Variants in PCBP3 observed in about 807,000 individuals in gnomAD.
PCBP3 encodes poly(rC)-binding protein 3.
Under a neutral mutation model 52.7 loss-of-function variants are expected in PCBP3, and 25 were observed. The observed-to-expected ratio is 0.47, with a 90% confidence interval of 0.35 to 0.66. The LOEUF is 0.66. Ranked by LOEUF, PCBP3 falls within the 30% of genes least tolerant of loss-of-function variation. The pLI, the probability that PCBP3 is intolerant of heterozygous loss-of-function variation, is 0.01. For synonymous variants in PCBP3, 162 were observed against 183.0 expected, an observed-to-expected ratio of 0.89 and a Z score of 0.93; for missense variants, 391 against 490.3, an observed-to-expected ratio of 0.80 and a Z score of 1.91.
intron 4 of PCBP3, among the ~76,000 whole-genome samples, chr21:45,766,080 G>T (rs545666455): frequency 6.6e-6 from 1 of 152,222 alleles, no homozygotes; most frequent in Non-Finnish European, 1.5e-5. Flanking sequence ...TGGGACTGAC[G>T]TGGGTCCGTA....
chr21:45,902,223 G>A (rs1385191160), intron 9 of PCBP3, among the ~76,000 whole-genome samples: 1 of 150,364 alleles, frequency 6.7e-6, no homozygotes, highest in Non-Finnish European at 1.5e-5. Context: ...GACTGCAGCA[G>A]AGCCTGTGGC....
intron 2 of PCBP3, among the ~76,000 whole-genome samples, chr21:45,712,602 C>A (rs1325107164): frequency 6.6e-6 from 1 of 152,108 alleles, no homozygotes; most frequent in East Asian, 1.9e-4. Flanking sequence ...TGACACTGTA[C>A]ACGTTGGTTT....
chr21:45,848,009 C>T (rs1377076926), intron 4 of PCBP3, among the ~76,000 whole-genome samples: 1 of 152,194 alleles, frequency 6.6e-6, no homozygotes, highest in Non-Finnish European at 1.5e-5. Context: ...CTTGGTCAGC[C>T]TCATGTTCTC....
intron 2 of PCBP3, among the ~76,000 whole-genome samples, chr21:45,705,021 C>T (rs928656622): frequency 5.9e-5 from 9 of 152,126 alleles, no homozygotes; most frequent in African/African-American, 2.2e-4. Flanking sequence ...ATTCCAGAGT[C>T]TGTTGTGAGG....
intron 4 of PCBP3, among the ~76,000 whole-genome samples, chr21:45,786,386 G>A (rs901306677): frequency 6.6e-6 from 1 of 151,888 alleles, no homozygotes; most frequent in Non-Finnish European, 1.5e-5. Flanking sequence ...TACCTCCTGG[G>A]TTCAAGCGAT....
chr21:45,816,114 GGTGA>G (rs1441245777), intron 4 of PCBP3, among the ~76,000 whole-genome samples: 1 of 150,340 alleles, frequency 6.7e-6, no homozygotes, highest in Non-Finnish European at 1.5e-5. Context: ...AGTGGTGAGT[GGTGA>G]GTGAGTGGTG....
At chr21:45,910,181 A>C (rs1226963882) in intron 10 of PCBP3, among the ~76,000 whole-genome samples, 4 of 462 alleles carry the variant, frequency 8.7e-3, no homozygotes, top group Non-Finnish European at 7.8e-3. Flanking sequence ...CCAGATACGG[A>C]CCCCCCCCAC....
At position 45,821,267 on chromosome 21, in the gene PCBP3, G is replaced by C. The variant is rs989683218; in HGVS notation, c.-125-28694G>C. Among the ~76,000 whole-genome samples, 1 of 151,980 alleles carries C rather than the reference G, an allele frequency of 6.6e-6. No individual in the cohort carries two copies. Among genetic ancestry groups the C allele is most frequent in the South Asian group, 2.1e-4 (1 of 4,826 alleles). On this transcript the variant is annotated intron_variant, in intron 4 of 17. Coordinates refer to ENST00000681687, the MANE Select transcript of PCBP3 (RefSeq NM_001384156.1). This position sits in a 1 kb window ranked among gnomAD's most constrained non-coding sequence, Gnocchi z 4.4. Reference sequence around the variant, plus strand: ...TTCCGCAGGGGCTCCAAGACCCTCAGGGTCGCCAGTGACTCCTGGGTCACA... The same window carrying C: ...TTCCGCAGGGGCTCCAAGACCCTCACGGTCGCCAGTGACTCCTGGGTCACA...
chr21:45,936,160 A>C (rs551332455), intron 16 of PCBP3, among the ~76,000 whole-genome samples: 3 of 152,318 alleles, frequency 2.0e-5, no homozygotes, highest in African/African-American at 7.2e-5. Context: ...CAAGTTGACC[A>C]TAGGAAGCAC....
At position 45,820,571 on chromosome 21, in the gene PCBP3, C is replaced by T. The variant is rs541862597; in HGVS notation, c.-125-29390C>T. On this transcript the variant is annotated intron_variant, in intron 4 of 17. Coordinates refer to ENST00000681687, the MANE Select transcript of PCBP3 (RefSeq NM_001384156.1). ...GGTGCTGGAAGGCAGCTGCAGACCACGAGTCAAGGAGGGGGTGAGACTGTG... is the reference window on the plus strand; with the variant it reads ...GGTGCTGGAAGGCAGCTGCAGACCATGAGTCAAGGAGGGGGTGAGACTGTG... Among the ~76,000 whole-genome samples, 311 of 152,196 alleles carry T rather than the reference C, an allele frequency of 2.0e-3. 2 individuals carry two copies. Among genetic ancestry groups the T allele is most frequent in the African/African-American group, 7.0e-3 (292 of 41,512 alleles).
chr21:45,734,633 G>A (rs1157451757), intron 2 of PCBP3, among the ~76,000 whole-genome samples: 1 of 152,144 alleles, frequency 6.6e-6, no homozygotes, highest in East Asian at 1.9e-4. Flanking sequence ...CCCTTCCTGT[G>A]CTGTGGCCCA....
chr21:45,932,571 T>C (rs2076383023), intron 15 of PCBP3, among the ~76,000 whole-genome samples: 1 of 151,598 alleles, frequency 6.6e-6, no homozygotes, highest in Admixed American at 6.6e-5. Context: ...CATGCTGTCC[T>C]GAGATGAACG....
rs1315814835 is a variant in PCBP3, at chr21:45,917,385, G to A, written c.676-203G>A. On this transcript the variant is annotated intron_variant, in intron 12 of 17. Coordinates refer to ENST00000681687, the MANE Select transcript of PCBP3 (RefSeq NM_001384156.1). The surrounding 1 kb of genome is among the most constrained non-coding windows in gnomAD (Gnocchi z 5.3). Reference sequence around the variant, plus strand: ...TGAACTGGCCAGCTCAGCTCTGCCCGCCCAGAGGAAGTGGGTGCGGCTCCC... The same window carrying A: ...TGAACTGGCCAGCTCAGCTCTGCCCACCCAGAGGAAGTGGGTGCGGCTCCC... 3.7e-5 allele frequency: 13 copies of A among 351,052 alleles called. No individual in the cohort carries two copies. Among genetic ancestry groups the A allele is most frequent in the South Asian group, 1.8e-4 (8 of 43,616 alleles). The allele number at this position is 351,052 out of a possible 1,614,324, so 21.7% of individuals were successfully genotyped here.
chr21:45,798,881 A>G (rs918923501), intron 4 of PCBP3, among the ~76,000 whole-genome samples: 1 of 146,984 alleles, frequency 6.8e-6, no homozygotes, highest in African/African-American at 2.6e-5. Flanking sequence ...ATCTGTAGAG[A>G]GAGTGAATGC....
chr21:45,904,726 G>A lies in PCBP3; in HGVS notation c.339+3613G>A, dbSNP rs1339282162. Among the ~76,000 whole-genome samples, 1 of 152,220 alleles carries A rather than the reference G, an allele frequency of 6.6e-6. No individual in the cohort carries two copies. Among genetic ancestry groups the A allele is most frequent in the East Asian group, 1.9e-4 (1 of 5,192 alleles). On this transcript the variant is annotated intron_variant, in intron 9 of 17. Coordinates refer to ENST00000681687, the MANE Select transcript of PCBP3 (RefSeq NM_001384156.1). The surrounding 1 kb of genome is among the most constrained non-coding windows in gnomAD (Gnocchi z 4.8). ...ACACATAACAGCGAAAGTATTTCCA[G>A]TCCCAAGTGAACACTGGTTAAAATC...
intron 5 of PCBP3, among the ~76,000 whole-genome samples, chr21:45,875,594 T>G (rs2148699053): frequency 6.6e-6 from 1 of 152,302 alleles, no homozygotes; most frequent in Admixed American, 6.5e-5. Flanking sequence ...CCACACCAGC[T>G]TCCCCCAGGG....
chr21:45,758,127 A>T (rs1489967765), intron 4 of PCBP3, among the ~76,000 whole-genome samples: 1 of 152,182 alleles, frequency 6.6e-6, no homozygotes, highest in Non-Finnish European at 1.5e-5. Flanking sequence ...GAGCTCAGGC[A>T]ATCTGCCCGC....
chr21:45,649,403 AT>A (rs927329826), intron 1 of PCBP3, among the ~76,000 whole-genome samples: 1 of 152,226 alleles, frequency 6.6e-6, no homozygotes, highest in African/African-American at 2.4e-5. Context: ...TCTTTAAAAA[AT>A]ATTTAAATAT....
chr21:45,745,806 G>T (rs1372774891), intron 3 of PCBP3, among the ~76,000 whole-genome samples: 2 of 152,266 alleles, frequency 1.3e-5, no homozygotes, highest in African/African-American at 4.8e-5. Flanking sequence ...GGCCAGGAGA[G>T]GAGTGAGTGA....
Sources: gnomAD v4.1 joint callset for allele counts (sites outside exome capture counted in the v4.1 genomes callset) on GRCh38, gnomAD v4.1.1 for gene constraint, Gnocchi (gnomAD v3.1) non-coding constraint, MANE v1.5 for transcripts, NCBI Gene and HGNC (gene_info 2026-07-23, HGNC 2026-07-21) for gene names.